Variants in KIF27 observed in about 807,000 individuals in gnomAD.
KIF27 encodes kinesin-like protein KIF27.
KIF27 carries 84 observed loss-of-function variants against 141.8 expected under a neutral mutation model. The observed-to-expected ratio is 0.59, with a 90% CI of 0.50 to 0.71. The LOEUF (loss-of-function observed/expected upper bound fraction) is 0.71, where lower values mean the gene tolerates loss of function less well. Ranked by LOEUF, KIF27 falls within the 30% of genes least tolerant of loss-of-function variation. The pLI is 0.00. For synonymous variants in KIF27, 471 were observed against 569.5 expected (o/e 0.83, Z 2.46); for missense variants, 1,306 against 1,628.4 (o/e 0.80, Z 3.41).
intron 11 of KIF27, among the ~76,000 whole-genome samples, chr9:83,878,009 A>C (rs1005383529): frequency 1.3e-5 from 2 of 151,626 alleles, no homozygotes; most frequent in African/African-American, 4.8e-5. Context: ...CTAAAAATAC[A>C]AAAAATTAGC....
chr9:83,882,376 A>G (rs1337079122), intron 10 of KIF27, among the ~76,000 whole-genome samples: 1 of 152,126 alleles, frequency 6.6e-6, no homozygotes, highest in Non-Finnish European at 1.5e-5. Flanking sequence ...AAAAAGTATG[A>G]TATGTTAGAG....
chr9:83,862,419 T>C lies in KIF27; in HGVS notation c.2935-3048A>G, dbSNP rs536269276. ...GGCTAGCCAGTTTTCCCAGCACCAT[T>C]TGTTAAAGAGGGAATCCTTTCCCCA... On this transcript the variant is annotated intron_variant, in intron 13 of 17. Transcript: ENST00000297814. Among the ~76,000 whole-genome samples the C allele has an allele frequency of 8.7e-4, 133 of 152,366 alleles. 1 individual carries two copies. Among genetic ancestry groups the C allele is most frequent in the African/African-American group, 3.1e-3 (129 of 41,584 alleles).
intron 5 of KIF27, among the ~76,000 whole-genome samples, chr9:83,896,285 T>C (rs1953242872): frequency 6.6e-6 from 1 of 152,104 alleles, no homozygotes; most frequent in Non-Finnish European, 1.5e-5. Context: ...AAAGTTTGGA[T>C]CTTTTCCATT....
At chr9:83,864,818 T>C (rs1950223044) in intron 13 of KIF27, among the ~76,000 whole-genome samples, 1 of 152,200 alleles carries the variant, frequency 6.6e-6, no homozygotes, top group African/African-American at 2.4e-5. Context: ...CTAAGTCTCT[T>C]TGTAGGTCTC....
At chr9:83,896,496 C>T (rs188097774) in intron 5 of KIF27, among the ~76,000 whole-genome samples, 1 of 151,714 alleles carries the variant, frequency 6.6e-6, no homozygotes, top group Non-Finnish European at 1.5e-5. Flanking sequence ...AAATCAAGTA[C>T]CTAAAAAGAA....
At position 83,921,376 on chromosome 9, in the gene KIF27, C is replaced by G. The variant is rs1322276184; in HGVS notation, c.-93G>C. The stretch of plus-strand genomic sequence containing the variant: ...CAGGCCCGCCGAGCACTGACCGGCT[C>G]GGGACAGCCCAGGCCCCTGTCGGCG... On this transcript the variant is annotated 5_prime_UTR_variant, in exon 1 of 18. Transcript: ENST00000297814. 7 of 151,960 alleles carry G rather than the reference C, an allele frequency of 4.6e-5. No individual in the cohort carries two copies. The highest frequency in any genetic ancestry group is 1.5e-5 in the Non-Finnish European group (1 of 68,016). 9.4% of individuals were successfully genotyped at this position (151,960 alleles called of 1,614,324 possible). A position where few individuals can be genotyped will look rare whatever the true frequency, so the allele number is the denominator to read the frequency against.
In KIF27 at chr9:83,861,195, A is replaced by G. The variant is rs551808305; in HGVS notation, c.2935-1824T>C. 9.9e-5 allele frequency among the ~76,000 whole-genome samples: 15 copies of G among 151,688 alleles called. No individual in the cohort carries two copies. In the South Asian group the frequency reaches 3.1e-3, roughly 32 times the overall value. On this transcript the variant is annotated intron_variant, in intron 13 of 17. Coordinates refer to ENST00000297814, the MANE Select transcript of KIF27 (RefSeq NM_017576.4). ...GGGCTATTTCTTTATATATATATATATAACTTTAAGTTCTAGGGTACATGT... is the reference window on the plus strand; with the variant it reads ...GGGCTATTTCTTTATATATATATATGTAACTTTAAGTTCTAGGGTACATGT...
intron 2 of KIF27, among the ~76,000 whole-genome samples, chr9:83,914,289 C>T (rs558095743): frequency 2.5e-4 from 38 of 150,774 alleles, no homozygotes; most frequent in Middle Eastern, 3.6e-3. Context: ...TATTGTAAGA[C>T]GCTGAAACAA....
chr9:83,842,156 A>G, intron 17 of KIF27, 81 bp downstream of exon 17: 10 of 1,370,132 alleles, frequency 7.3e-6, no homozygotes, highest in Non-Finnish European at 9.6e-6. Flanking sequence ...GTCAATTGGT[A>G]AAGGCTACAC....
At chr9:83,865,902 G>A (rs566768498) in intron 13 of KIF27, among the ~76,000 whole-genome samples, 2 of 152,246 alleles carry the variant, frequency 1.3e-5, no homozygotes, top group Admixed American at 1.3e-4. Flanking sequence ...AAATTTAAGA[G>A]TTTTCATATC....
At chr9:83,885,368 C>A (rs2132271983) in intron 9 of KIF27, among the ~76,000 whole-genome samples, 1 of 152,318 alleles carries the variant, frequency 6.6e-6, no homozygotes, top group Non-Finnish European at 1.5e-5. Context: ...GCTGGGATTA[C>A]AGGCGTGAGC....
chr9:83,882,338 G>C (rs1313372856), intron 10 of KIF27, among the ~76,000 whole-genome samples: 1 of 152,010 alleles, frequency 6.6e-6, no homozygotes, highest in Non-Finnish European at 1.5e-5. Context: ...CTCCAGCCTG[G>C]GCAACAGAGC....
At chr9:83,855,720 C>T (rs1372231416) in intron 14 of KIF27, among the ~76,000 whole-genome samples, 1 of 152,162 alleles carries the variant, frequency 6.6e-6, no homozygotes, top group African/African-American at 2.4e-5. Context: ...CTTAAAGTCA[C>T]AATTTCCAAG....
rs746463879 is a variant in KIF27 at position 83,903,965 on chromosome 9, G to T, written c.553C>A (p.Leu185Ile). The T allele has an allele frequency of 1.9e-6, 3 of 1,613,998 alleles. No individual in the cohort carries two copies. The South Asian group carries it at 3.3e-5, about 18-fold the overall frequency. Residue 185 changes from leucine (L) to isoleucine (I), a missense_variant, in exon 4 of 18, where the codon CTT (leucine) becomes ATT (isoleucine). By Grantham distance (5) the Leu-to-Ile change is conservative. Around this residue, in one of 4 missense-constraint regions of KIF27, gnomAD observed 533 missense variants for 565.6 expected, o/e 0.94. Transcript: ENST00000297814. The part of the protein sequence containing the change: ...HVESAGEVMS[L>I]LEMGNAARHT... ...CTGGCTGCATTCCCCATCTCCAAAA[G>T]ACTCATCACTTCACCTGCACTCTCC...
At chr9:83,913,082 G>A (rs763798808) in intron 2 of KIF27, among the ~76,000 whole-genome samples, 10 of 152,034 alleles carry the variant, frequency 6.6e-5, no homozygotes, top group South Asian at 2.1e-4. Context: ...GAAGAATCTC[G>A]TAAGCCCAGA....
chr9:83,875,260 A>G (rs1174488396), intron 11 of KIF27, among the ~76,000 whole-genome samples: 8 of 152,234 alleles, frequency 5.3e-5, no homozygotes, highest in African/African-American at 1.7e-4. Context: ...GAAGGCTTTA[A>G]TGGTTCATTG....
rs751289826 is a variant in KIF27 at position 83,903,039 on chromosome 9, A to G, written c.1458+21T>C. On this transcript the variant is annotated intron_variant, in intron 4 of 17. Coordinates refer to ENST00000297814, the MANE Select transcript of KIF27 (RefSeq NM_017576.4). Reference sequence around the variant, plus strand: ...GTATCAATAAAATAAATAAATAAATAAATAAGTGATGTCTAAGTACCTGGC... The same window carrying G: ...GTATCAATAAAATAAATAAATAAATGAATAAGTGATGTCTAAGTACCTGGC... 7.7e-6 allele frequency: 11 copies of G among 1,423,656 alleles called. No homozygotes were observed. In the Admixed American group the frequency reaches 1.0e-4, roughly 13 times the overall value. The allele number at this position is 1,423,656 out of a possible 1,614,324, so 88.2% of individuals were successfully genotyped here. A position where few individuals can be genotyped will look rare whatever the true frequency, so the allele number is the denominator to read the frequency against.
intron 16 of KIF27, among the ~76,000 whole-genome samples, chr9:83,848,331 CT>C (rs546477745): frequency 0.014 from 1,208 of 87,868 alleles, 205 homozygotes; most frequent in African/African-American, 0.058. Flanking sequence ...ATCTATATAT[CT>C]ATATATATCT....
At chr9:83,854,921 T>A (rs1464830726) in intron 14 of KIF27, 1 of 152,264 alleles carries the variant, frequency 6.6e-6, no homozygotes, top group African/African-American at 2.4e-5. Context: ...CAATATCTGT[T>A]GACTTAATGA....
Sources: allele counts gnomAD v4.1 joint callset (sites outside exome capture counted in the v4.1 genomes callset), GRCh38; gene constraint gnomAD v4.1.1; regional missense constraint gnomAD v4.1.1; transcripts MANE v1.5; gene names NCBI Gene and HGNC (gene_info 2026-07-23, HGNC 2026-07-21).